Variants in UBR3 observed in about 807,000 individuals in gnomAD.
The protein encoded by UBR3 is ubiquitin protein ligase E3 component n-recognin 3.
In UBR3, 85 loss-of-function variants were observed where a neutral mutation model predicts 243.2. That is an observed-to-expected ratio of 0.35 (90% CI 0.29 to 0.42). The LOEUF (loss-of-function observed/expected upper bound fraction) is 0.42, where lower values mean the gene tolerates loss of function less well. Ranked by LOEUF, UBR3 falls within the 10% of genes least tolerant of loss-of-function variation. UBR3 has a pLI of 1.00. For missense variants in UBR3, 1,686 were observed against 2,300.8 expected (o/e 0.73, Z 5.47); for synonymous variants, 748 against 799.8 (o/e 0.94, Z 1.09).
At chr2:170,058,477 C>T (rs1277465727) in intron 33 of UBR3, among the ~76,000 whole-genome samples, 1 of 147,530 alleles carries the variant, frequency 6.8e-6, no homozygotes, top group Non-Finnish European at 1.5e-5. Context: ...TTTTCTTTTT[C>T]TTTCCTTCCT....
intron 26 of UBR3, among the ~76,000 whole-genome samples, chr2:169,997,720 A>G (rs1359234901): frequency 6.6e-6 from 1 of 152,056 alleles, no homozygotes; most frequent in East Asian, 1.9e-4. Flanking sequence ...AGTGACAGAA[A>G]AGATCTCAAC....
chr2:170,025,200 GTCT>G (rs1292480546), intron 30 of UBR3, among the ~76,000 whole-genome samples: 1 of 152,114 alleles, frequency 6.6e-6, no homozygotes, highest in African/African-American at 2.4e-5. Context: ...AGACACAATT[GTCT>G]TCTTCAGGGA....
intron 1 of UBR3, among the ~76,000 whole-genome samples, chr2:169,849,733 C>T (rs2082596763): frequency 6.6e-6 from 1 of 152,212 alleles, no homozygotes; most frequent in South Asian, 2.1e-4. Flanking sequence ...AGAATCCAGT[C>T]AACAAGAACA....
chr2:169,942,757 G>A (rs2086640339), intron 20 of UBR3, 123 bp downstream of exon 20: 14 of 969,242 alleles, frequency 1.4e-5, no homozygotes, highest in Non-Finnish European at 1.8e-5. Context: ...CATTTAAGAT[G>A]TATGAAGATA....
At chr2:169,986,567 T>C in intron 24 of UBR3, 78 bp from the exon 25 acceptor site, 1 of 1,438,870 alleles carries the variant, frequency 6.9e-7, no homozygotes, top group Non-Finnish European at 9.4e-7. Context: ...TTGTTTGAAC[T>C]TGATTTTTCT....
At chr2:170,029,174 T>G (rs925114689) in intron 30 of UBR3, among the ~76,000 whole-genome samples, 172 bp from the exon 31 acceptor site, 3 of 152,042 alleles carry the variant, frequency 2.0e-5, no homozygotes, top group Admixed American at 6.6e-5. Flanking sequence ...GGATATGTAT[T>G]TCAGAGGTTA....
Position 169,905,098 on chromosome 2 carries a change from G to A in UBR3, c.1466-16G>A. ...AAATCTTATGAAATTTTTGGGTTGT[G>A]TGTGTCTTTTTTTAGATGAAGAAAA... is the stretch of plus-strand genomic sequence containing the variant. On this transcript the variant is annotated splice_polypyrimidine_tract_variant and intron_variant, in intron 8 of 38. Coordinates refer to ENST00000272793, the MANE Select transcript of UBR3 (RefSeq NM_172070.4). The A allele has an allele frequency of 6.9e-7, 1 of 1,446,876 alleles. No homozygotes were observed. Among genetic ancestry groups the A allele is most frequent in the Non-Finnish European group, 9.1e-7 (1 of 1,098,604 alleles). The allele number at this position is 1,446,876 out of a possible 1,614,324, so 89.6% of individuals were successfully genotyped here.
intron 2 of UBR3, among the ~76,000 whole-genome samples, chr2:169,875,179 T>C (rs1408506346): frequency 1.3e-5 from 2 of 152,214 alleles, no homozygotes; most frequent in Non-Finnish European, 2.9e-5. Context: ...GACATAATAC[T>C]CTTATACTAC....
intron 1 of UBR3, among the ~76,000 whole-genome samples, chr2:169,843,901 C>T (rs761597752): frequency 6.6e-5 from 10 of 151,760 alleles, no homozygotes; most frequent in African/African-American, 1.9e-4. Context: ...AGAGTTTGTC[C>T]GTGAAACAAT....
chr2:170,004,469 A>G (rs1390328921), intron 27 of UBR3, among the ~76,000 whole-genome samples: 2 of 152,114 alleles, frequency 1.3e-5, no homozygotes, highest in African/African-American at 4.8e-5. Flanking sequence ...AATTAATTAT[A>G]TATTTGTGAT....
intron 36 of UBR3, among the ~76,000 whole-genome samples, chr2:170,075,886 TAAGG>T (rs2091796313): frequency 8.2e-6 from 1 of 122,220 alleles, no homozygotes; most frequent in Non-Finnish European, 1.8e-5. Flanking sequence ...TGATTTAAAA[TAAGG>T]AAAACCAAAG....
At position 169,980,945 on chromosome 2, in the gene UBR3, C is replaced by A. The variant is rs186681400; in HGVS notation, c.3635-5700C>A. Among the ~76,000 whole-genome samples, 1,060 of 151,830 alleles carry A rather than the reference C, an allele frequency of 7.0e-3. 6 individuals carry two copies. Among genetic ancestry groups the A allele is most frequent in the Non-Finnish European group, 0.012 (834 of 67,930 alleles). On this transcript the variant is annotated intron_variant, in intron 24 of 38. Coordinates refer to ENST00000272793, the MANE Select transcript of UBR3 (RefSeq NM_172070.4). ...GAGGGGTACTCAAAAACAAACAACC[C>A]CCACCCCCTCTAGTGATGATATGGG... is the stretch of plus-strand genomic sequence containing the variant.
chr2:170,004,573 G>T (rs929072627), intron 27 of UBR3, among the ~76,000 whole-genome samples: 1 of 152,138 alleles, frequency 6.6e-6, no homozygotes, highest in African/African-American at 2.4e-5. Context: ...GGGGGCAGGG[G>T]TGGGGAAGGT....
intron 8 of UBR3, among the ~76,000 whole-genome samples, chr2:169,901,080 C>T (rs904790482): frequency 1.3e-5 from 2 of 152,140 alleles, no homozygotes; most frequent in Non-Finnish European, 2.9e-5. Flanking sequence ...TGTTGATTCT[C>T]TTTCTGTGGC....
intron 1 of UBR3, among the ~76,000 whole-genome samples, chr2:169,831,128 T>TATATATATATATATA (rs1491457428): frequency 3.8e-4 from 14 of 36,414 alleles, no homozygotes; most frequent in African/African-American, 6.4e-4. Context: ...TATATATATA[T>TATATATATATATATA]TTTTTTTTTT....
At position 170,081,837 on chromosome 2, in the gene UBR3, G is replaced by C. The variant is rs1282773806; in HGVS notation, c.5661G>C (p.Gly1887=). The C allele has an allele frequency of 2.5e-6, 4 of 1,580,242 alleles. No homozygotes were observed. The highest frequency in any genetic ancestry group is 2.6e-6 in the Non-Finnish European group (3 of 1,160,794). Residue 1887 remains glycine (G), a synonymous_variant, in exon 39 of 39, where the codon GGG becomes GGC. Coordinates refer to ENST00000272793, the MANE Select transcript of UBR3 (RefSeq NM_172070.4). ...AAAGATGGGGTCCACATTACAATGG[G>C]CTGTGACTCTCCACCTCAGCATTGC... ...INKRWGPHYN[G]L
chr2:170,041,577 C>T (rs988920809), intron 32 of UBR3, among the ~76,000 whole-genome samples: 5 of 152,144 alleles, frequency 3.3e-5, no homozygotes, highest in African/African-American at 1.2e-4. Context: ...ATTATATTAG[C>T]AACATTTTAA....
intron 24 of UBR3, among the ~76,000 whole-genome samples, chr2:169,960,237 A>G (rs2087504375): frequency 1.2e-5 from 1 of 84,550 alleles, no homozygotes; most frequent in African/African-American, 5.1e-5. Flanking sequence ...TGACAAGAGC[A>G]AAAAAAAAAA....
chr2:170,003,797 C>T (rs530099048), intron 27 of UBR3, among the ~76,000 whole-genome samples: 123 of 152,192 alleles, frequency 8.1e-4, no homozygotes, highest in African/African-American at 2.9e-3. Context: ...CCCGCCACCA[C>T]GCCCGGCTAA....
Sources: gnomAD v4.1 joint callset for allele counts (sites outside exome capture counted in the v4.1 genomes callset) on GRCh38, gnomAD v4.1.1 for gene constraint, MANE v1.5 for transcripts, NCBI Gene and HGNC (gene_info 2026-07-23, HGNC 2026-07-21) for gene names.